Variants in SERPINB10 observed in about 807,000 individuals in gnomAD.
The protein encoded by SERPINB10 is serpin B10.
In SERPINB10, 35 loss-of-function variants were observed where a neutral mutation model predicts 39.1. The observed-to-expected ratio is 0.90, with a 90% CI of 0.68 to 1.19. The LOEUF is 1.19. SERPINB10 is among the 50% of genes most tolerant of loss of function. The probability of loss-of-function intolerance (pLI) is 0.00; values close to 1 mark genes in which losing one functional copy is unlikely to be tolerated. For missense variants in SERPINB10, 546 were observed against 460.5 expected (o/e 1.19, Z -1.70); for synonymous variants, 190 against 158.1 (o/e 1.20, Z -1.52).
At chr18:63,920,201 G>T (rs1208140513) in intron 5 of SERPINB10, among the ~76,000 whole-genome samples, 1 of 151,826 alleles carries the variant, frequency 6.6e-6, no homozygotes, top group Non-Finnish European at 1.5e-5. Context: ...AATGCAAAAA[G>T]GAAATTGAAA....
chr18:63,911,119 G>A (rs1057487844), intron 1 of SERPINB10, among the ~76,000 whole-genome samples: 1 of 151,756 alleles, frequency 6.6e-6, no homozygotes, highest in Non-Finnish European at 1.5e-5. Flanking sequence ...CATGTCCTTT[G>A]GCATTTTTTA....
At chr18:63,927,669 G>A (rs1466775934) in intron 5 of SERPINB10, among the ~76,000 whole-genome samples, 2 of 151,992 alleles carry the variant, frequency 1.3e-5, no homozygotes, top group African/African-American at 4.8e-5. Flanking sequence ...TGAACATTAG[G>A]TTCCAACATA....
intron 2 of SERPINB10, among the ~76,000 whole-genome samples, 195 bp from the exon 3 acceptor site, chr18:63,917,261 G>A (rs538875698): frequency 2.0e-5 from 3 of 151,968 alleles, no homozygotes; most frequent in South Asian, 4.1e-4. Context: ...ACTTAAATTC[G>A]ACTTTAGAAA....
rs185318822 is a variant in SERPINB10, at chr18:63,911,352, C to A, written c.-10+3312C>A. 8.6e-5 allele frequency among the ~76,000 whole-genome samples: 13 copies of A among 150,424 alleles called. No homozygotes were observed. The East Asian group carries it at 2.3e-3, about 27-fold the overall frequency. On this transcript the variant is annotated intron_variant, in intron 1 of 7. Transcript: ENST00000238508. ...ACTTAGTCATGAATACTTCCCCCAACACTGATATCCAGAATGGCGTTTCCT... is the reference window on the plus strand; with the variant it reads ...ACTTAGTCATGAATACTTCCCCCAAAACTGATATCCAGAATGGCGTTTCCT...
chr18:63,934,090 T>C (rs1002316952), intron 7 of SERPINB10, among the ~76,000 whole-genome samples: 1 of 152,192 alleles, frequency 6.6e-6, no homozygotes, highest in Non-Finnish European at 1.5e-5. Flanking sequence ...ATGTTATTAA[T>C]GTAAGTGGTT....
chr18:63,910,854 C>G (rs2050059363), intron 1 of SERPINB10, among the ~76,000 whole-genome samples: 1 of 151,842 alleles, frequency 6.6e-6, no homozygotes, highest in African/African-American at 2.4e-5. Flanking sequence ...AAGGGTAGTT[C>G]TAACTTCCTT....
Position 63,915,488 on chromosome 18 carries a change from T to C in SERPINB10, c.-9-14T>C. 3 of 1,572,520 alleles carry C rather than the reference T, an allele frequency of 1.9e-6. No individual in the cohort carries two copies. The highest frequency in any genetic ancestry group is 1.9e-5 in the Admixed American group (1 of 53,684). ...TATTAATATGCTCTCTAATTTTTGC[T>C]TTATTTTTCTTAGGTTTCCTCAATG... On this transcript the variant is annotated splice_polypyrimidine_tract_variant and intron_variant, in intron 1 of 7. Transcript: ENST00000238508.
At chr18:63,915,826 C>T (rs1427120040) in intron 2 of SERPINB10, 148 bp downstream of exon 2, 12 of 672,710 alleles carry the variant, frequency 1.8e-5, no homozygotes, top group Admixed American at 7.6e-5. Flanking sequence ...CATTCTATAC[C>T]ATAAAACAAA....
intron 2 of SERPINB10, among the ~76,000 whole-genome samples, chr18:63,916,943 C>T (rs2050107540): frequency 1.3e-5 from 2 of 152,170 alleles, no homozygotes; most frequent in Admixed American, 6.6e-5. Flanking sequence ...AGAGTATCTA[C>T]ATCTTTCCTG....
chr18:63,917,171 C>A (rs181148059), intron 2 of SERPINB10, among the ~76,000 whole-genome samples: 1 of 151,864 alleles, frequency 6.6e-6, no homozygotes, highest in Non-Finnish European at 1.5e-5. Flanking sequence ...AAAGGAAATA[C>A]GGAAAATAAG....
At chr18:63,919,560 C>A (rs1599081210) in intron 4 of SERPINB10, among the ~76,000 whole-genome samples, 1 of 151,932 alleles carries the variant, frequency 6.6e-6, no homozygotes, top group African/African-American at 2.4e-5. Context: ...GGCATCCGTA[C>A]TTCCTTCCAC....
Position 63,914,398 on chromosome 18 carries a change from GT to G in SERPINB10, c.-9-1101del, listed in dbSNP as rs2050087073. Among the ~76,000 whole-genome samples the G allele has an allele frequency of 2.0e-5, 3 of 151,928 alleles. No individual in the cohort carries two copies. The South Asian group carries it at 6.2e-4, about 31-fold the overall frequency. ...CTTAAGTAACAGGTATCATTCTTTT[GT>G]TTCCATTTTTAAAACTTCCTTAAGG... On this transcript the variant is annotated intron_variant, in intron 1 of 7. Coordinates refer to ENST00000238508, the MANE Select transcript of SERPINB10 (RefSeq NM_005024.3).
At chr18:63,929,860 G>T (rs1599091553) in intron 5 of SERPINB10, among the ~76,000 whole-genome samples, 185 bp from the exon 6 acceptor site, 1 of 151,946 alleles carries the variant, frequency 6.6e-6, no homozygotes, top group South Asian at 2.1e-4. Context: ...TTTCTTCAGG[G>T]TTTCTCTATT....
chr18:63,910,217 A>T (rs2050054008), intron 1 of SERPINB10, among the ~76,000 whole-genome samples: 1 of 152,020 alleles, frequency 6.6e-6, no homozygotes, highest in African/African-American at 2.4e-5. Context: ...AGGCCAGGTG[A>T]CGTTCATGCA....
chr18:63,917,929 C>A (rs1372891618), intron 3 of SERPINB10, 36 bp from the exon 4 acceptor site: 3 of 1,595,410 alleles, frequency 1.9e-6, no homozygotes, highest in East Asian at 4.5e-5. Flanking sequence ...AACTCTTGTT[C>A]AACATTTTAT....
At chr18:63,922,911 A>G (rs2050156374) in intron 5 of SERPINB10, among the ~76,000 whole-genome samples, 1 of 151,992 alleles carries the variant, frequency 6.6e-6, no homozygotes, top group Non-Finnish European at 1.5e-5. Flanking sequence ...ACATGAATCT[A>G]GTGGCCACCA....
chr18:63,930,243 C>A, intron 6 of SERPINB10, 56 bp downstream of exon 6: 2 of 1,555,020 alleles, frequency 1.3e-6, no homozygotes, highest in Admixed American at 1.8e-5. Context: ...ACAAGTGATT[C>A]TCTTATAAAT....
chr18:63,912,585 G>T (rs2050072540), intron 1 of SERPINB10, among the ~76,000 whole-genome samples: 1 of 151,920 alleles, frequency 6.6e-6, no homozygotes, highest in African/African-American at 2.4e-5. Flanking sequence ...CACATTTACT[G>T]ACTTCTGTAT....
Position 63,917,944 on chromosome 18 carries a change from CT to C in SERPINB10, c.235-20del. The C allele has an allele frequency of 6.2e-7, 1 of 1,604,546 alleles. No homozygotes were observed. The highest frequency in any genetic ancestry group is 8.5e-7 in the Non-Finnish European group (1 of 1,172,940). The stretch of plus-strand genomic sequence containing the variant: ...AACTCTTGTTCAACATTTTATTTGA[CT>C]AGTTCCTTCTCTTTTAAAGGAATTC... On this transcript the variant is annotated intron_variant, in intron 3 of 7. Transcript: ENST00000238508.
Sources: gnomAD v4.1 joint callset for allele counts (sites outside exome capture counted in the v4.1 genomes callset) on GRCh38, gnomAD v4.1.1 for gene constraint, MANE v1.5 for transcripts, NCBI Gene and HGNC (gene_info 2026-07-23, HGNC 2026-07-21) for gene names.